TRPM3: variants seen among roughly 807,000 people sequenced by gnomAD.
TRPM3 encodes the protein transient receptor potential cation channel subfamily M member 3.
Under a neutral mutation model 181.2 loss-of-function variants are expected in TRPM3, and 77 were observed. The observed-to-expected ratio is 0.42, with a 90% CI of 0.35 to 0.51. The LOEUF is 0.51. Among genes scored for constraint, TRPM3 ranks in the 20% least tolerant of loss-of-function variants. TRPM3 has a pLI of 0.01. For missense variants in TRPM3, 1,759 were observed against 2,196.7 expected (o/e 0.80, Z 3.98); for synonymous variants, 745 against 796.4 (o/e 0.94, Z 1.09).
At chr9:71,325,409 C>T (rs927920512) in intron 1 of TRPM3, among the ~76,000 whole-genome samples, 9 of 152,046 alleles carry the variant, frequency 5.9e-5, no homozygotes, top group African/African-American at 2.2e-4. Context: ...CACACACATG[C>T]TTATTAAATC....
At chr9:70,990,587 A>C (rs536365555) in intron 1 of TRPM3, among the ~76,000 whole-genome samples, 3 of 152,284 alleles carry the variant, frequency 2.0e-5, no homozygotes, top group South Asian at 2.1e-4. Context: ...AAAATGAAGG[A>C]AGGCAAAATT....
chr9:71,026,039 A>G (rs2097893875), intron 1 of TRPM3, among the ~76,000 whole-genome samples: 1 of 152,238 alleles, frequency 6.6e-6, no homozygotes. Context: ...CTAATCTGCC[A>G]TGGACACTTG....
intron 1 of TRPM3, among the ~76,000 whole-genome samples, chr9:71,321,170 A>G (rs571283369): frequency 6.6e-6 from 1 of 152,124 alleles, no homozygotes; most frequent in Non-Finnish European, 1.5e-5. Flanking sequence ...AACACAAACC[A>G]TCCCTTCCTA....
chr9:70,680,488 C>A (rs2065136981), intron 9 of TRPM3, among the ~76,000 whole-genome samples: 2 of 152,122 alleles, frequency 1.3e-5, no homozygotes, highest in Non-Finnish European at 2.9e-5. Flanking sequence ...CTTGTCCCTT[C>A]ATTTATTAAA....
chr9:71,202,143 G>A (rs2078839276), intron 1 of TRPM3, among the ~76,000 whole-genome samples: 1 of 152,132 alleles, frequency 6.6e-6, no homozygotes, highest in African/African-American at 2.4e-5. Flanking sequence ...GCAGAACAGT[G>A]GATTTTCATG....
intron 5 of TRPM3, among the ~76,000 whole-genome samples, chr9:70,840,802 G>A (rs901419149): frequency 6.6e-6 from 1 of 152,058 alleles, no homozygotes; most frequent in Middle Eastern, 3.2e-3. Flanking sequence ...AGAGCCAGTA[G>A]GCCAGCATTC....
chr9:70,589,017 G>A (rs995628935), intron 22 of TRPM3, among the ~76,000 whole-genome samples: 1 of 152,222 alleles, frequency 6.6e-6, no homozygotes. Flanking sequence ...AGGAAGGTAA[G>A]TGGTTGGGGA....
At chr9:70,986,289 A>G (rs2097420733) in intron 1 of TRPM3, among the ~76,000 whole-genome samples, 1 of 152,164 alleles carries the variant, frequency 6.6e-6, no homozygotes, top group Non-Finnish European at 1.5e-5. Flanking sequence ...ACTTGAATCC[A>G]GAAGTTCAAG....
chr9:71,202,223 G>A (rs940512480), intron 1 of TRPM3, among the ~76,000 whole-genome samples: 32 of 152,254 alleles, frequency 2.1e-4, no homozygotes, highest in African/African-American at 5.3e-4. Context: ...GCCATGTGAC[G>A]TGTCAGTCTG....
At chr9:71,148,545 G>A (rs542869015) in intron 1 of TRPM3, among the ~76,000 whole-genome samples, 2 of 152,200 alleles carry the variant, frequency 1.3e-5, no homozygotes, top group South Asian at 4.2e-4. Flanking sequence ...CTTTGGAGCA[G>A]AATATACAGC....
chr9:71,344,050 T>TAGATTGATA (rs1554880746), intron 1 of TRPM3, among the ~76,000 whole-genome samples: 1 of 149,360 alleles, frequency 6.7e-6, no homozygotes, highest in Non-Finnish European at 1.5e-5. Flanking sequence ...TAGATTAGAT[T>TAGATTGATA]GATAGATAGA....
chr9:70,764,734 T>A (rs1402474939), intron 7 of TRPM3, among the ~76,000 whole-genome samples: 1 of 152,218 alleles, frequency 6.6e-6, no homozygotes, highest in Non-Finnish European at 1.5e-5. Context: ...CAAAGGTGAT[T>A]TGATCCATTC....
chr9:71,139,049 C>T (rs2074944718), intron 1 of TRPM3, among the ~76,000 whole-genome samples: 1 of 152,154 alleles, frequency 6.6e-6, no homozygotes, highest in South Asian at 2.1e-4. Context: ...ATCCTTCTCT[C>T]CTCTAGAGGT....
intron 1 of TRPM3, among the ~76,000 whole-genome samples, chr9:70,935,175 G>A (rs1157693971): frequency 6.6e-6 from 1 of 152,044 alleles, no homozygotes; most frequent in African/African-American, 2.4e-5. Context: ...CCACTTCTCT[G>A]GGCAGTTGTT....
intron 1 of TRPM3, among the ~76,000 whole-genome samples, chr9:71,333,230 G>A (rs115814051): frequency 0.011 from 1,632 of 152,038 alleles, 51 homozygotes; most frequent in African/African-American, 0.036. Flanking sequence ...GAGAGTTCAT[G>A]ACCCACTTCT....
chr9:70,547,320 C>T (rs1414850), intron 25 of TRPM3, among the ~76,000 whole-genome samples: 129,948 of 151,910 alleles, frequency 0.86, 55,689 homozygotes, highest in East Asian at 0.97. Context: ...TATGTCTCTA[C>T]CCCTTTCTCT....
chr9:70,991,555 G>GTTTTTTTTTTTTTTT (rs56157123), intron 1 of TRPM3, among the ~76,000 whole-genome samples: 2 of 124,536 alleles, frequency 1.6e-5, no homozygotes, highest in African/African-American at 3.0e-5. Flanking sequence ...CTATGTGTCT[G>GTTTTTTTTTTTTTTT]TTTTTTTTTT....
chr9:70,854,864 G>A (rs748027193), intron 3 of TRPM3, among the ~76,000 whole-genome samples: 5 of 152,104 alleles, frequency 3.3e-5, no homozygotes, highest in Admixed American at 2.0e-4. Context: ...TGTACTTTTT[G>A]ATCTACTCTT....
chr9:71,238,821 A>G (rs1162366995), intron 1 of TRPM3, among the ~76,000 whole-genome samples: 1 of 152,122 alleles, frequency 6.6e-6, no homozygotes, highest in African/African-American at 2.4e-5. Flanking sequence ...TGTGGAAGGC[A>G]TTTGAGCTTT....
Sources: allele counts gnomAD v4.1 joint callset (sites outside exome capture counted in the v4.1 genomes callset), GRCh38; gene constraint gnomAD v4.1.1; transcripts MANE v1.5; gene names NCBI Gene and HGNC (gene_info 2026-07-23, HGNC 2026-07-21).